FUT8: variants seen among roughly 807,000 people sequenced by gnomAD.
FUT8 encodes alpha-(1,6)-fucosyltransferase.
In FUT8, 29 loss-of-function variants were observed where a neutral mutation model predicts 71.3. That is an observed-to-expected ratio of 0.41 (90% CI 0.30 to 0.55). FUT8 has a LOEUF of 0.55. Ranked by LOEUF, FUT8 falls within the 20% of genes least tolerant of loss-of-function variation. The pLI is 0.34. For synonymous variants in FUT8, 254 were observed against 239.3 expected, an observed-to-expected ratio of 1.06 and a Z score of -0.57; for missense variants, 544 against 702.1, an observed-to-expected ratio of 0.77 and a Z score of 2.55.
At chr14:65,547,024 G>A (rs1431773499) in intron 2 of FUT8, among the ~76,000 whole-genome samples, 3 of 151,420 alleles carry the variant, frequency 2.0e-5, no homozygotes, top group Admixed American at 2.0e-4. Context: ...AAAATTATTT[G>A]TAATATTTTC....
At chr14:65,561,882 C>A in intron 3 of FUT8, 116 bp downstream of exon 3, 1 of 801,798 alleles carries the variant, frequency 1.2e-6, no homozygotes, top group Non-Finnish European at 2.0e-6. Flanking sequence ...CTGTCTTTGC[C>A]ACAACTTAGC....
intron 3 of FUT8, among the ~76,000 whole-genome samples, chr14:65,606,378 A>G (rs994012467): frequency 1.3e-5 from 2 of 151,706 alleles, no homozygotes; most frequent in Non-Finnish European, 2.9e-5. Context: ...TGCCCTGCCC[A>G]AAAATTTTTA....
In FUT8 at chr14:65,698,778, GT is replaced by G. The variant is rs532653409; in HGVS notation, c.836-22994del. Among the ~76,000 whole-genome samples, 9 of 152,214 alleles carry G rather than the reference GT, an allele frequency of 5.9e-5. No homozygotes were observed. The South Asian group carries it at 1.9e-3, about 32-fold the overall frequency. ...TAGGTACGGCACGTTATATTATTAA[GT>G]TTATTTATTCAATTACGCATTTATT... On this transcript the variant is annotated intron_variant, in intron 7 of 10. Transcript: ENST00000673929.
chr14:65,688,483 A>C (rs1893410150), intron 7 of FUT8, among the ~76,000 whole-genome samples: 1 of 148,538 alleles, frequency 6.7e-6, no homozygotes, highest in South Asian at 2.2e-4. Flanking sequence ...TCCATTTAAC[A>C]ACAGTTAGTT....
chr14:65,649,987 A>G (rs572958068), intron 6 of FUT8, among the ~76,000 whole-genome samples: 20 of 152,328 alleles, frequency 1.3e-4, no homozygotes, highest in African/African-American at 4.8e-4. Flanking sequence ...ATATTAGTCT[A>G]TTCTCACACT....
rs140738789 is a variant in FUT8 at position 65,657,372 on chromosome 14, A to G, written c.598-11871A>G. Reference sequence around the variant, plus strand: ...ATATTGAAGAAATATTTGCACTTCCATGTTTACTGCAGCACTTTCCACAAT... The same window carrying G: ...ATATTGAAGAAATATTTGCACTTCCGTGTTTACTGCAGCACTTTCCACAAT... On this transcript the variant is annotated intron_variant, in intron 6 of 10. Transcript: ENST00000673929. Among the ~76,000 whole-genome samples, 530 of 152,334 alleles carry G rather than the reference A, an allele frequency of 3.5e-3. 2 individuals carry two copies. Among genetic ancestry groups the G allele is most frequent in the African/African-American group, 0.012 (503 of 41,572 alleles).
At chr14:65,394,990 C>G in the FUT8 span, among the ~76,000 whole-genome samples, 5 of 152,218 alleles carry the variant, frequency 3.3e-5, no homozygotes, top group African/African-American at 4.8e-5. Context: ...GATCCACCTG[C>G]CTCAGCCTCC....
chr14:65,460,651 C>T (rs762450002), intron 2 of FUT8, among the ~76,000 whole-genome samples: 2 of 152,062 alleles, frequency 1.3e-5, no homozygotes, highest in African/African-American at 4.8e-5. Context: ...ACTAACACAT[C>T]CTATTGATAA....
At position 65,616,097 on chromosome 14, in the gene FUT8, G is replaced by C. The variant is rs373845476; in HGVS notation, c.319+4G>C. Reference sequence around the variant, plus strand: ...TACAAGAAACAGACCAGAAATGGTAGGTGATTATACAGTGTTTTCCCCTCC... The same window carrying C: ...TACAAGAAACAGACCAGAAATGGTACGTGATTATACAGTGTTTTCCCCTCC... On this transcript the variant is annotated splice_donor_region_variant and intron_variant, in intron 4 of 10. Coordinates refer to ENST00000673929, the MANE Select transcript of FUT8 (RefSeq NM_001371533.1). 23 of 1,611,842 alleles carry C rather than the reference G, an allele frequency of 1.4e-5. No homozygotes were observed. The highest frequency in any genetic ancestry group is 2.0e-5 in the Non-Finnish European group (23 of 1,178,366).
rs1890914823 is a variant in FUT8 at position 65,643,066 on chromosome 14, C to G, written c.597+13460C>G. Among the ~76,000 whole-genome samples the G allele has an allele frequency of 6.6e-6, 1 of 152,114 alleles. No homozygotes were observed. The highest frequency in any genetic ancestry group is 1.5e-5 in the Non-Finnish European group (1 of 68,030). ...CTTACAGTAAGCCACAAATTAATTC[C>G]TCCTTCATTTAAAACTAAAATCCTT... is the stretch of plus-strand genomic sequence containing the variant. On this transcript the variant is annotated intron_variant, in intron 6 of 10. Transcript: ENST00000673929. This position sits in a 1 kb window ranked among gnomAD's most constrained non-coding sequence, Gnocchi z 4.5.
At chr14:65,556,114 T>A (rs11848209) in intron 2 of FUT8, among the ~76,000 whole-genome samples, 126,106 of 152,164 alleles carry the variant, frequency 0.83, 52,521 homozygotes, top group East Asian at 1. Context: ...GAGGAGGTAG[T>A]CATATGTATT....
At chr14:65,721,088 GTTAAA>G (rs1282518285) in intron 7 of FUT8, among the ~76,000 whole-genome samples, 1 of 152,054 alleles carries the variant, frequency 6.6e-6, no homozygotes, top group Non-Finnish European at 1.5e-5. Context: ...GCAATATGAA[GTTAAA>G]ATCAGGTACT....
chr14:65,618,416 T>G (rs1291937562), intron 5 of FUT8, among the ~76,000 whole-genome samples: 1 of 152,086 alleles, frequency 6.6e-6, no homozygotes, highest in Non-Finnish European at 1.5e-5. Context: ...TAATGGTAGT[T>G]CATTGAAAAC....
intron 1 of FUT8, among the ~76,000 whole-genome samples, chr14:65,436,489 G>A (rs1216171066): frequency 1.3e-5 from 2 of 151,910 alleles, no homozygotes; most frequent in Non-Finnish European, 2.9e-5. Context: ...AATTAGCCAG[G>A]TGTGGTGGTG....
the FUT8 span, among the ~76,000 whole-genome samples, chr14:65,377,241 A>G: frequency 1.3e-5 from 2 of 152,164 alleles, no homozygotes; most frequent in Non-Finnish European, 2.9e-5. Context: ...CCTAGAGTAT[A>G]TTTTACAAAG....
intron 2 of FUT8, among the ~76,000 whole-genome samples, chr14:65,480,219 C>T (rs1219605661): frequency 3.3e-5 from 5 of 150,822 alleles, no homozygotes; most frequent in African/African-American, 4.9e-5. Context: ...TTATCTGAAT[C>T]GGCCCTTTCT....
chr14:65,671,987 A>T (rs1375003881), intron 7 of FUT8, among the ~76,000 whole-genome samples: 1 of 152,210 alleles, frequency 6.6e-6, no homozygotes, highest in Non-Finnish European at 1.5e-5. Flanking sequence ...TTCATACATA[A>T]CTTGACATGA....
intron 3 of FUT8, among the ~76,000 whole-genome samples, chr14:65,611,281 A>G (rs1566851476): frequency 2.1e-5 from 1 of 47,188 alleles, no homozygotes. Context: ...ACACACACAC[A>G]CACACACACA....
intron 1 of FUT8, among the ~76,000 whole-genome samples, chr14:65,422,849 G>C (rs949764394): frequency 7.3e-5 from 11 of 151,658 alleles, no homozygotes; most frequent in African/African-American, 2.7e-4. Context: ...GCAGGGTCTC[G>C]CTGTATTGCC....
Sources: allele counts gnomAD v4.1 joint callset (sites outside exome capture counted in the v4.1 genomes callset), GRCh38; gene constraint gnomAD v4.1.1; non-coding constraint Gnocchi (gnomAD v3.1); transcripts MANE v1.5; gene names NCBI Gene and HGNC (gene_info 2026-07-23, HGNC 2026-07-21).